Variants in MYH15 observed in about 807,000 individuals in gnomAD.
MYH15 encodes the protein myosin-15.
In MYH15, 227 loss-of-function variants were observed where a neutral mutation model predicts 240.5. That is an observed-to-expected ratio of 0.94 (90% CI 0.85 to 1.05). The LOEUF (loss-of-function observed/expected upper bound fraction) is 1.05. MYH15 is among the 50% of genes least tolerant of loss of function. MYH15 has a pLI of 0.00. For synonymous variants in MYH15, 785 were observed against 796.7 expected (o/e 0.99, Z 0.25); for missense variants, 2,217 against 2,247.5 (o/e 0.99, Z 0.27).
chr3:108,401,830 T>C (rs2082508131), intron 33 of MYH15, among the ~76,000 whole-genome samples: 1 of 152,168 alleles, frequency 6.6e-6, no homozygotes, highest in Non-Finnish European at 1.5e-5. Context: ...TGCTGAACAA[T>C]CAACATGTTT....
upstream of MYH15, among the ~76,000 whole-genome samples, chr3:108,514,882 C>T (rs895044230): frequency 1.3e-5 from 2 of 152,198 alleles, no homozygotes; most frequent in Non-Finnish European, 2.9e-5. Flanking sequence ...CCTGGAGCCT[C>T]CTAATCCCCT....
intron 1 of MYH15, among the ~76,000 whole-genome samples, chr3:108,515,754 T>G (rs1383037373): frequency 6.6e-6 from 1 of 152,232 alleles, no homozygotes; most frequent in Non-Finnish European, 1.5e-5. Context: ...CTTTGCACAC[T>G]GTGCTAAATA....
intron 33 of MYH15, among the ~76,000 whole-genome samples, chr3:108,403,957 G>A (rs1332174334): frequency 2.0e-5 from 3 of 150,362 alleles, no homozygotes; most frequent in Non-Finnish European, 4.4e-5. Context: ...GCACAGGTCT[G>A]ATATTACTTG....
At chr3:108,537,029 A>T in the MYH15 span, among the ~76,000 whole-genome samples, 2 of 152,238 alleles carry the variant, frequency 1.3e-5, no homozygotes, top group African/African-American at 4.8e-5. Flanking sequence ...GAATGTATTT[A>T]GTGCTCTCTC....
At chr3:108,451,953 T>C (rs983992589) in intron 21 of MYH15, among the ~76,000 whole-genome samples, 1 of 127,344 alleles carries the variant, frequency 7.9e-6, no homozygotes, top group East Asian at 2.2e-4. Context: ...CAAAATAAAA[T>C]AGAGGGAATG....
rs774463469 is a variant in MYH15 at position 108,500,241 on chromosome 3, G to T, written c.373C>A (p.Pro125Thr). 16 of 1,613,934 alleles carry T rather than the reference G, an allele frequency of 9.9e-6. No homozygotes were observed. The highest frequency in any genetic ancestry group is 1.4e-5 in the Non-Finnish European group (16 of 1,179,902). Residue 125 changes from proline (P) to threonine (T), a missense_variant, in exon 4 of 41, where the codon CCT (proline) becomes ACT (threonine). Transcript: ENST00000693548. ...TGATACACGGGAAGCCATTTGTAAGGGTTTATGGTCACACAGAAGAGACCT... is the reference window on the plus strand; with the variant it reads ...TGATACACGGGAAGCCATTTGTAAGTGTTTATGGTCACACAGAAGAGACCT... The part of the protein sequence containing the change: ...YSGLFCVTIN[P>T]YKWLPVYQKE...
At chr3:108,550,944 A>G in the MYH15 span, 1 of 325,894 alleles carries the variant, frequency 3.1e-6, no homozygotes, top group African/African-American at 2.1e-5. Context: ...CATAAAAGCC[A>G]GAAACAAAAA....
In MYH15 at chr3:108,391,902, T is replaced by G. The variant is rs770871970; in HGVS notation, c.5288A>C (p.Lys1763Thr). ...EAANLSEELK[K>T]KQDTIAHLER... is the part of the protein sequence containing the mutation. ...CAAGTGGGCAATGGTGTCTTGCTTC[T>G]TCTTCAGTTCTTCTGACAAGTTTGC... The change falls in exon 37 of 41, where the codon AAG becomes ACG. Residue 1763 changes from lysine (K) to threonine (T), a missense_variant. Lys to Thr is a moderately conservative substitution (Grantham distance 78). Transcript: ENST00000693548. 4 of 1,614,132 alleles carry G rather than the reference T, an allele frequency of 2.5e-6. No individual in the cohort carries two copies. In the East Asian group the frequency reaches 8.9e-5, roughly 36 times the overall value.
intron 35 of MYH15, among the ~76,000 whole-genome samples, chr3:108,395,740 G>T (rs1360038173): frequency 1.3e-5 from 2 of 150,726 alleles, no homozygotes; most frequent in Non-Finnish European, 2.9e-5. Flanking sequence ...ATCAGTCAAA[G>T]ATAAGTTTAG....
intron 22 of MYH15, among the ~76,000 whole-genome samples, chr3:108,441,708 G>T (rs1303804177): frequency 6.6e-6 from 1 of 152,226 alleles, no homozygotes; most frequent in Non-Finnish European, 1.5e-5. Flanking sequence ...GTGCATGGAT[G>T]TACGTGTTTA....
At chr3:108,385,214 T>C (rs985569544) in intron 38 of MYH15, among the ~76,000 whole-genome samples, 2 of 152,234 alleles carry the variant, frequency 1.3e-5, no homozygotes, top group African/African-American at 2.4e-5. Flanking sequence ...TGTATCTTTA[T>C]TTAGCAGGAA....
At chr3:108,474,289 G>C (rs949466159) in intron 12 of MYH15, among the ~76,000 whole-genome samples, 6 of 151,504 alleles carry the variant, frequency 4.0e-5, no homozygotes, top group Non-Finnish European at 8.8e-5. Context: ...AGAGCGAGAG[G>C]AGGAGGATTT....
intron 1 of MYH15, among the ~76,000 whole-genome samples, chr3:108,507,253 ATATATATATATATATATATAT>A (rs2083485130): frequency 2.1e-5 from 1 of 46,746 alleles, no homozygotes; most frequent in African/African-American, 7.3e-5. Flanking sequence ...ATATATATAT[ATATATATATATATATATATAT>A]ATACACATAT....
At chr3:108,467,855 A>C (rs1286253819) in intron 14 of MYH15, among the ~76,000 whole-genome samples, 2 of 152,212 alleles carry the variant, frequency 1.3e-5, no homozygotes, top group Non-Finnish European at 2.9e-5. Flanking sequence ...AGCAAATCCT[A>C]TAATAAATTT....
At chr3:108,490,830 G>A (rs568538966) in intron 9 of MYH15, among the ~76,000 whole-genome samples, 3 of 151,532 alleles carry the variant, frequency 2.0e-5, no homozygotes, top group East Asian at 3.9e-4. Flanking sequence ...TCCCCTCACT[G>A]TACTTTATTG....
chr3:108,429,816 T>C (rs1371639086), intron 26 of MYH15, among the ~76,000 whole-genome samples: 3 of 152,204 alleles, frequency 2.0e-5, no homozygotes, highest in Non-Finnish European at 4.4e-5. Flanking sequence ...GAAAAGGTGC[T>C]TAAAGAAAGT....
In MYH15 at chr3:108,470,018, G is replaced by A. The variant is rs201137496; in HGVS notation, c.1554+24C>T. 5 of 1,585,756 alleles carry A rather than the reference G, an allele frequency of 3.2e-6. No homozygotes were observed. In the East Asian group the frequency reaches 9.1e-5, roughly 29 times the overall value. On this transcript the variant is annotated intron_variant, in intron 14 of 40. Transcript: ENST00000693548. ...GGACAATTCTCCCGAAATGAAAATG[G>A]ACAAAGAGAAAAACATATATTACCT... is the stretch of plus-strand genomic sequence containing the variant.
At chr3:108,425,846 C>T (rs1304741689) in intron 27 of MYH15, among the ~76,000 whole-genome samples, 1 of 152,144 alleles carries the variant, frequency 6.6e-6, no homozygotes, top group Non-Finnish European at 1.5e-5. Context: ...GCTGTGATTA[C>T]AATGCTGGTA....
In MYH15 at chr3:108,394,098, T is replaced by C. The variant is rs1560311882; in HGVS notation, c.5192A>G (p.Lys1731Arg). Residue 1731 changes from lysine to arginine, a missense_variant, in exon 36 of 41, where the codon AAA becomes AGA. Lys to Arg is a conservative substitution (Grantham distance 26). Coordinates refer to ENST00000693548, the MANE Select transcript of MYH15 (RefSeq NM_014981.3). ...CTCCTGCACCACCTCTTCAGCTTCTTTCTGCATCCGGGCAACATCAGCCTC... is the reference window on the plus strand; with the variant it reads ...CTCCTGCACCACCTCTTCAGCTTCTCTCTGCATCCGGGCAACATCAGCCTC... ...KLEADVARMQ[K>R]EAEEVVQECQ... The C allele has an allele frequency of 6.2e-7, 1 of 1,614,042 alleles. No homozygotes were observed.
Sources: allele counts gnomAD v4.1 joint callset (sites outside exome capture counted in the v4.1 genomes callset), GRCh38; gene constraint gnomAD v4.1.1; transcripts MANE v1.5; gene names NCBI Gene and HGNC (gene_info 2026-07-23, HGNC 2026-07-21).